KCNT2: variants seen among roughly 807,000 people sequenced by gnomAD.
KCNT2 encodes the protein potassium channel subfamily T member 2.
KCNT2 carries 67 observed loss-of-function variants against 153.8 expected under a neutral mutation model. That is an observed-to-expected ratio of 0.44 (90% CI 0.36 to 0.53). The LOEUF (loss-of-function observed/expected upper bound fraction) is 0.53. Ranked by LOEUF, KCNT2 falls within the 20% of genes least tolerant of loss-of-function variation. KCNT2 has a pLI of 0.00. For missense variants in KCNT2, 975 were observed against 1,354.8 expected (o/e 0.72, Z 4.40); for synonymous variants, 500 against 458.8 (o/e 1.09, Z -1.15).
chr1:196,548,399 A>T (rs574553116), intron 1 of KCNT2, among the ~76,000 whole-genome samples: 1 of 152,260 alleles, frequency 6.6e-6, no homozygotes, highest in South Asian at 2.1e-4. Context: ...CAAAAAACAC[A>T]TGAAAAAATG....
intron 18 of KCNT2, among the ~76,000 whole-genome samples, chr1:196,327,542 CT>C (rs1396171988): frequency 6.6e-6 from 1 of 152,028 alleles, no homozygotes; most frequent in Non-Finnish European, 1.5e-5. Context: ...GATAAATTAT[CT>C]GCACGGAGAA....
At chr1:196,451,389 C>T (rs193026857) in intron 8 of KCNT2, among the ~76,000 whole-genome samples, 25 of 140,320 alleles carry the variant, frequency 1.8e-4, no homozygotes, top group African/African-American at 6.3e-4. Context: ...TACAGACGTG[C>T]GCTACCACAC....
rs911108705 is a variant in KCNT2, at chr1:196,226,362, C to A, written c.*1862G>T. On this transcript the variant is annotated 3_prime_UTR_variant, in exon 28 of 28. Coordinates refer to ENST00000294725, the MANE Select transcript of KCNT2 (RefSeq NM_198503.5). Reference sequence around the variant, plus strand: ...CTCTGTTACATATATTAGTTCCATTCTGCCTTCAGTTTTTAACAATTTATA... The same window carrying A: ...CTCTGTTACATATATTAGTTCCATTATGCCTTCAGTTTTTAACAATTTATA... 6.6e-6 allele frequency: 1 copy of A among 151,956 alleles called. No individual in the cohort carries two copies. Among genetic ancestry groups the A allele is most frequent in the Non-Finnish European group, 1.5e-5 (1 of 67,854 alleles). The allele number at this position is 151,956 out of a possible 1,614,324, so 9.4% of individuals were successfully genotyped here. A position where few individuals can be genotyped will look rare whatever the true frequency, so the allele number is the denominator to read the frequency against.
In KCNT2 at chr1:196,305,297, G is replaced by T; in HGVS notation, c.2532C>A (p.Asn844Lys). The change falls in exon 22 of 28, where the codon AAC (asparagine) becomes AAA (lysine). Residue 844 changes from asparagine (N) to lysine (K), a missense_variant. Physicochemically the swap from Asn to Lys is moderately conservative, Grantham distance 94. Coordinates refer to ENST00000294725, the MANE Select transcript of KCNT2 (RefSeq NM_198503.5). Reference protein sequence around the residue: ...SIITELTHPANMRFMQFRAKD... With the variant: ...SIITELTHPAKMRFMQFRAKD... ...TGGCTCTGAATTGCATGAATCTCAT[G>T]TTGGCGGGGTGAGTTAGCTCTGTGA... The T allele has an allele frequency of 6.2e-7, 1 of 1,612,856 alleles. No homozygotes were observed. The highest frequency in any genetic ancestry group is 8.5e-7 in the Non-Finnish European group (1 of 1,179,208).
chr1:196,524,899 A>G (rs1291231746), intron 1 of KCNT2, among the ~76,000 whole-genome samples: 1 of 152,298 alleles, frequency 6.6e-6, no homozygotes, highest in African/African-American at 2.4e-5. Flanking sequence ...ATAAATCACT[A>G]GGTTTTGACT....
intron 1 of KCNT2, among the ~76,000 whole-genome samples, chr1:196,498,157 A>G (rs1489552990): frequency 6.6e-6 from 1 of 151,966 alleles, no homozygotes; most frequent in African/African-American, 2.4e-5. Flanking sequence ...TTAAAATGCA[A>G]TTTTCCTGAT....
At chr1:196,437,430 T>C (rs1163311471) in intron 8 of KCNT2, among the ~76,000 whole-genome samples, 1 of 144,102 alleles carries the variant, frequency 6.9e-6, no homozygotes, top group Non-Finnish European at 1.5e-5. Context: ...CTTAAAATAC[T>C]CGGTTTTGGT....
At chr1:196,482,231 A>C in intron 4 of KCNT2, 100 bp downstream of exon 4, 1 of 734,824 alleles carries the variant, frequency 1.4e-6, no homozygotes, top group South Asian at 1.7e-5. Context: ...TCAGGCAGAA[A>C]GACAAACTCA....
At chr1:196,300,574 A>G (rs1006063839) in intron 22 of KCNT2, among the ~76,000 whole-genome samples, 3 of 152,128 alleles carry the variant, frequency 2.0e-5, no homozygotes, top group Admixed American at 6.5e-5. Context: ...AGAGATGCCA[A>G]GAAGATCTGA....
intron 10 of KCNT2, 32 bp downstream of exon 10, chr1:196,428,073 C>A: frequency 6.4e-7 from 1 of 1,560,558 alleles, no homozygotes; most frequent in African/African-American, 1.4e-5. Flanking sequence ...TAGGTATGAT[C>A]CAGTATAGCA....
chr1:196,284,248 A>AAATATATATAT, intron 23 of KCNT2, among the ~76,000 whole-genome samples: 1 of 10,050 alleles, frequency 1.0e-4, no homozygotes, highest in African/African-American at 1.4e-4. Flanking sequence ...AAAAAAAAAA[A>AAATATATATAT]ATATATATAT....
chr1:196,472,960 A>G (rs766727718), intron 5 of KCNT2, among the ~76,000 whole-genome samples: 10 of 152,148 alleles, frequency 6.6e-5, no homozygotes, highest in Non-Finnish European at 1.3e-4. Context: ...TACTTACAAA[A>G]CAAAGACAAA....
At chr1:196,500,768 A>G (rs1680636439) in intron 1 of KCNT2, among the ~76,000 whole-genome samples, 1 of 152,236 alleles carries the variant, frequency 6.6e-6, no homozygotes, top group Admixed American at 6.5e-5. Flanking sequence ...GACAATATAC[A>G]GAATGCCAGA....
intron 16 of KCNT2, among the ~76,000 whole-genome samples, chr1:196,338,320 C>G (rs1161989055): frequency 2.6e-5 from 4 of 151,854 alleles, no homozygotes; most frequent in Non-Finnish European, 4.4e-5. Flanking sequence ...CTCAGGAGAG[C>G]AGCAAAGAGG....
intron 1 of KCNT2, 105 bp from the exon 2 acceptor site, chr1:196,492,446 A>G (rs1572630739): frequency 1.2e-6 from 1 of 868,286 alleles, no homozygotes; most frequent in East Asian, 4.3e-5. Context: ...TAACTTAAAG[A>G]ATAATACATT....
intron 8 of KCNT2, among the ~76,000 whole-genome samples, chr1:196,432,831 A>G (rs1399621947): frequency 6.6e-6 from 1 of 152,078 alleles, no homozygotes; most frequent in Non-Finnish European, 1.5e-5. Context: ...GAACAACTTA[A>G]GACTTTAGGG....
At chr1:196,537,873 C>A (rs1311368799) in intron 1 of KCNT2, among the ~76,000 whole-genome samples, 1 of 152,170 alleles carries the variant, frequency 6.6e-6, no homozygotes, top group Non-Finnish European at 1.5e-5. Context: ...AATTGGAGCA[C>A]CTTCCCCTTC....
intron 27 of KCNT2, among the ~76,000 whole-genome samples, chr1:196,233,630 T>C: frequency 6.6e-6 from 1 of 151,474 alleles, no homozygotes; most frequent in East Asian, 1.9e-4. Flanking sequence ...TTCCTCTTTA[T>C]ACTTTAAATA....
intron 3 of KCNT2, among the ~76,000 whole-genome samples, chr1:196,489,346 T>G (rs1048965426): frequency 6.6e-6 from 1 of 151,524 alleles, no homozygotes; most frequent in Non-Finnish European, 1.5e-5. Context: ...CTAGTATTCA[T>G]GGAATACCAC....
Sources: gnomAD v4.1 joint callset for allele counts (sites outside exome capture counted in the v4.1 genomes callset) on GRCh38, gnomAD v4.1.1 for gene constraint, MANE v1.5 for transcripts, NCBI Gene and HGNC (gene_info 2026-07-23, HGNC 2026-07-21) for gene names.